OXSR1: variants seen among roughly 807,000 people sequenced by gnomAD.
OXSR1 encodes serine/threonine-protein kinase OSR1.
A neutral mutation model predicts 79.8 loss-of-function variants in OXSR1; 24 were observed. That is an observed-to-expected ratio of 0.30 (90% CI 0.22 to 0.42). The LOEUF is 0.42. Among genes scored for constraint, OXSR1 ranks in the 10% least tolerant of loss-of-function variants. The pLI, the probability that OXSR1 is intolerant of heterozygous loss-of-function variation, is 1.00. For missense variants in OXSR1, 430 were observed against 618.4 expected (o/e 0.70, Z 3.23); for synonymous variants, 226 against 209.2 (o/e 1.08, Z -0.69).
intron 3 of OXSR1, among the ~76,000 whole-genome samples, chr3:38,196,185 G>A (rs145342462): frequency 6.6e-6 from 1 of 152,246 alleles, no homozygotes; most frequent in Non-Finnish European, 1.5e-5. Flanking sequence ...TACATACGCG[G>A]TTATAACTTT....
intron 4 of OXSR1, among the ~76,000 whole-genome samples, chr3:38,204,838 T>A (rs1702236671): frequency 1.3e-5 from 2 of 152,080 alleles, no homozygotes; most frequent in Admixed American, 6.5e-5. Flanking sequence ...CACTGGGTTG[T>A]GTGCTCTGCA....
At chr3:38,176,320 G>T (rs1175033053) in intron 1 of OXSR1, among the ~76,000 whole-genome samples, 2 of 152,092 alleles carry the variant, frequency 1.3e-5, no homozygotes, top group African/African-American at 4.8e-5. Context: ...TGTATTATTA[G>T]ATTATTGCAA....
At chr3:38,235,255 G>A (rs1258709597) in intron 10 of OXSR1, among the ~76,000 whole-genome samples, 2 of 152,124 alleles carry the variant, frequency 1.3e-5, no homozygotes, top group Non-Finnish European at 2.9e-5. Context: ...TTATAAGGGA[G>A]CTTTTAGAGA....
chr3:38,208,985 T>TGCGC (rs1553635633), intron 4 of OXSR1, among the ~76,000 whole-genome samples: 9 of 128,132 alleles, frequency 7.0e-5, no homozygotes, highest in Non-Finnish European at 1.1e-4. Flanking sequence ...TGTGTGTGTG[T>TGCGC]GCGCGCGCGC....
intron 2 of OXSR1, among the ~76,000 whole-genome samples, chr3:38,188,063 G>C (rs1242610107): frequency 6.6e-6 from 1 of 152,152 alleles, no homozygotes; most frequent in Non-Finnish European, 1.5e-5. Context: ...TAAAGGAATA[G>C]AAGGCAAGAA....
chr3:38,178,634 T>C (rs1575310592), intron 1 of OXSR1, among the ~76,000 whole-genome samples: 1 of 141,574 alleles, frequency 7.1e-6, no homozygotes, highest in Non-Finnish European at 1.5e-5. Flanking sequence ...TTTTTTTTTT[T>C]TTTTTTTCTT....
intron 4 of OXSR1, among the ~76,000 whole-genome samples, chr3:38,203,703 G>A (rs1702212484): frequency 6.6e-6 from 1 of 152,058 alleles, no homozygotes; most frequent in Non-Finnish European, 1.5e-5. Context: ...CTCTGTCTCT[G>A]GGCGGAGCTG....
At chr3:38,191,584 G>C (rs1352106435) in intron 3 of OXSR1, among the ~76,000 whole-genome samples, 1 of 152,032 alleles carries the variant, frequency 6.6e-6, no homozygotes, top group Non-Finnish European at 1.5e-5. Context: ...TAAATATTTT[G>C]TAGGAGGATA....
intron 5 of OXSR1, among the ~76,000 whole-genome samples, chr3:38,218,333 G>GT (rs1032588670): frequency 6.6e-6 from 1 of 151,758 alleles, no homozygotes; most frequent in Non-Finnish European, 1.5e-5. Flanking sequence ...TGGGTTTTTT[G>GT]TTTTTTCAGG....
intron 1 of OXSR1, among the ~76,000 whole-genome samples, chr3:38,173,688 C>A (rs1701625959): frequency 6.6e-6 from 1 of 152,166 alleles, no homozygotes; most frequent in South Asian, 2.1e-4. Flanking sequence ...CTGCCCCAAA[C>A]AAGATTTTTT....
chr3:38,202,029 G>A (rs181291066), intron 4 of OXSR1, among the ~76,000 whole-genome samples: 2 of 152,332 alleles, frequency 1.3e-5, no homozygotes, highest in East Asian at 1.9e-4. Context: ...TGAGGCTGAT[G>A]GAAAATCAAG....
chr3:38,175,010 T>C (rs1701652096), intron 1 of OXSR1, among the ~76,000 whole-genome samples: 1 of 152,204 alleles, frequency 6.6e-6, no homozygotes, highest in South Asian at 2.1e-4. Context: ...CAGTTAATTT[T>C]CAACATGACT....
rs545848790 is a variant in OXSR1 at position 38,201,577 on chromosome 3, G to T, written c.434+2714G>T. On this transcript the variant is annotated intron_variant, in intron 4 of 17. Transcript: ENST00000311806. The stretch of plus-strand genomic sequence containing the variant: ...TACAAAAAATTAGCTGGGTGTGGTG[G>T]TGGGTGCCTGTAGTCCTAGCTACTC... 3.9e-5 allele frequency among the ~76,000 whole-genome samples: 6 copies of T among 152,280 alleles called. No individual in the cohort carries two copies. In the South Asian group the frequency reaches 1.2e-3, roughly 32 times the overall value.
chr3:38,181,065 G>A (rs186654481), intron 1 of OXSR1, among the ~76,000 whole-genome samples: 31 of 151,702 alleles, frequency 2.0e-4, no homozygotes, highest in Admixed American at 1.5e-3. Flanking sequence ...TCTACCTAAC[G>A]CATGGATTTT....
chr3:38,247,567 G>A, intron 13 of OXSR1, 101 bp from the exon 14 acceptor site: 1 of 812,874 alleles, frequency 1.2e-6, no homozygotes, highest in Non-Finnish European at 2.1e-6. Context: ...TGGAGATGAA[G>A]AAAATTGCTG....
At position 38,190,794 on chromosome 3, in the gene OXSR1, G is replaced by T. The variant is rs1480228300; in HGVS notation, c.247G>T (p.Val83Leu). The T allele has an allele frequency of 6.2e-7, 1 of 1,609,468 alleles. No homozygotes were observed. Among genetic ancestry groups the T allele is most frequent in the African/African-American group, 1.3e-5 (1 of 74,758 alleles). Residue 83 changes from valine (V) to leucine (L), a missense_variant, in exon 3 of 18, where the codon GTG becomes TTG. By Grantham distance (32) the Val-to-Leu change is conservative (BLOSUM62 1). Coordinates refer to ENST00000311806, the MANE Select transcript of OXSR1 (RefSeq NM_005109.3). ...TATTGTATCTTACTACACATCTTTT[G>T]TGGTAAAAGATGAGCTGTGGCTTGT... Reference protein sequence around the residue: ...PNIVSYYTSFVVKDELWLVMK... With the variant: ...PNIVSYYTSFLVKDELWLVMK...
intron 1 of OXSR1, among the ~76,000 whole-genome samples, chr3:38,173,799 CAATG>C (rs1315730467): frequency 6.6e-5 from 10 of 152,050 alleles, no homozygotes; most frequent in Admixed American, 5.9e-4. Context: ...GGAGATAAAA[CAATG>C]AAGCAAACAC....
intron 4 of OXSR1, among the ~76,000 whole-genome samples, chr3:38,201,019 T>C (rs1645919623): frequency 6.6e-6 from 1 of 152,186 alleles, no homozygotes; most frequent in African/African-American, 2.4e-5. Context: ...GACACAGATT[T>C]ATATGAAGCC....
Position 38,215,948 on chromosome 3 carries a change from T to C in OXSR1, c.435-148T>C, listed in dbSNP as rs548068363. Reference sequence around the variant, plus strand: ...GGGTTTCTAGTACCAGTGACAACAATTTTACTATTAGTCTTAATATCCTTT... The same window carrying C: ...GGGTTTCTAGTACCAGTGACAACAACTTTACTATTAGTCTTAATATCCTTT... On this transcript the variant is annotated intron_variant, in intron 4 of 17. Coordinates refer to ENST00000311806, the MANE Select transcript of OXSR1 (RefSeq NM_005109.3). 4.9e-6 allele frequency: 3 copies of C among 612,096 alleles called. No homozygotes were observed. In the Admixed American group the frequency reaches 9.7e-5, roughly 20 times the overall value. The allele number at this position is 612,096 out of a possible 1,614,324, so 37.9% of individuals were successfully genotyped here.
Sources: gnomAD v4.1 joint callset for allele counts (sites outside exome capture counted in the v4.1 genomes callset) on GRCh38, gnomAD v4.1.1 for gene constraint, MANE v1.5 for transcripts, NCBI Gene and HGNC (gene_info 2026-07-23, HGNC 2026-07-21) for gene names.